PLXDC2: variants seen among roughly 807,000 people sequenced by gnomAD.
PLXDC2 encodes plexin domain-containing protein 2.
In PLXDC2, 40 loss-of-function variants were observed where a neutral mutation model predicts 68.9. That is an observed-to-expected ratio of 0.58 (90% CI 0.45 to 0.76). The LOEUF is 0.76. PLXDC2 is among the 30% of genes least tolerant of loss of function. PLXDC2 has a pLI of 0.00. For missense variants in PLXDC2, 644 were observed against 661.9 expected (o/e 0.97, Z 0.30); for synonymous variants, 243 against 234.2 (o/e 1.04, Z -0.34).
intron 1 of PLXDC2, among the ~76,000 whole-genome samples, chr10:19,898,975 A>ATT (rs1838112346): frequency 6.6e-6 from 1 of 152,180 alleles, no homozygotes. Context: ...CACTTTGTCT[A>ATT]TGCTAGAATA....
intron 1 of PLXDC2, among the ~76,000 whole-genome samples, chr10:19,853,657 G>A (rs1016821719): frequency 8.7e-5 from 13 of 149,054 alleles, no homozygotes; most frequent in African/African-American, 2.2e-4. Flanking sequence ...TTGGGTGGGG[G>A]GGGGGTTGCA....
chr10:20,061,076 G>C (rs890513570), intron 3 of PLXDC2, among the ~76,000 whole-genome samples: 1 of 152,078 alleles, frequency 6.6e-6, no homozygotes, highest in Non-Finnish European at 1.5e-5. Flanking sequence ...ATTTCACCTA[G>C]TGCCATAAAT....
intron 1 of PLXDC2, among the ~76,000 whole-genome samples, chr10:19,926,463 C>G (rs1833538083): frequency 1.3e-5 from 2 of 152,138 alleles, no homozygotes; most frequent in Non-Finnish European, 1.5e-5. Flanking sequence ...ATAGAGGCGT[C>G]AGCAGGCGGA....
intron 1 of PLXDC2, among the ~76,000 whole-genome samples, chr10:19,903,781 C>G (rs1838198714): frequency 6.7e-6 from 1 of 148,928 alleles, no homozygotes; most frequent in Non-Finnish European, 1.5e-5. Context: ...TTAAGATTGT[C>G]TATTTGTGCT....
chr10:20,275,103 C>T (rs1053373068), intron 13 of PLXDC2, among the ~76,000 whole-genome samples: 7 of 152,008 alleles, frequency 4.6e-5, no homozygotes, highest in African/African-American at 9.7e-5. Flanking sequence ...GTCAAACTGT[C>T]GAAGCTAAAT....
At chr10:20,039,654 A>G (rs2131675150) in intron 2 of PLXDC2, among the ~76,000 whole-genome samples, 1 of 152,324 alleles carries the variant, frequency 6.6e-6, no homozygotes, top group Middle Eastern at 3.4e-3. Flanking sequence ...AAAAAAATCA[A>G]CAATTAATAC....
intron 1 of PLXDC2, among the ~76,000 whole-genome samples, chr10:19,975,097 T>C (rs1834427127): frequency 1.3e-5 from 2 of 152,334 alleles, no homozygotes; most frequent in Admixed American, 1.3e-4. Context: ...TTTTTCTACT[T>C]ATATCTAAAT....
chr10:19,899,951 T>C (rs1392708775), intron 1 of PLXDC2, among the ~76,000 whole-genome samples: 1 of 152,160 alleles, frequency 6.6e-6, no homozygotes, highest in Non-Finnish European at 1.5e-5. Context: ...CCTAGATGGT[T>C]AGAGAATTAT....
chr10:20,198,318 A>T (rs1473285568), intron 9 of PLXDC2, among the ~76,000 whole-genome samples: 1 of 152,176 alleles, frequency 6.6e-6, no homozygotes, highest in African/African-American at 2.4e-5. Context: ...TTTCACTCTC[A>T]TCTAAACCCC....
intron 1 of PLXDC2, among the ~76,000 whole-genome samples, chr10:19,975,491 T>C (rs1042670211): frequency 2.0e-5 from 3 of 151,678 alleles, no homozygotes; most frequent in Admixed American, 6.6e-5. Flanking sequence ...AATAAATAAA[T>C]AAAACACAAA....
At chr10:20,272,798 T>TA in intron 13 of PLXDC2, among the ~76,000 whole-genome samples, 1 of 152,260 alleles carries the variant, frequency 6.6e-6, no homozygotes, top group Non-Finnish European at 1.5e-5. Context: ...TGGGCTCGCT[T>TA]ACTGTTGAGT....
chr10:20,072,121 C>T (rs767544225), intron 4 of PLXDC2, among the ~76,000 whole-genome samples: 2 of 151,426 alleles, frequency 1.3e-5, no homozygotes, highest in South Asian at 2.1e-4. Flanking sequence ...CCGAGGTGGG[C>T]GGATCACCTG....
chr10:20,023,145 TTATA>T (rs5783715), intron 2 of PLXDC2, among the ~76,000 whole-genome samples: 1 of 148,090 alleles, frequency 6.8e-6, no homozygotes, highest in African/African-American at 2.5e-5. Context: ...AATACAATGT[TTATA>T]TATATATATT....
intron 6 of PLXDC2, among the ~76,000 whole-genome samples, chr10:20,162,909 C>CAAAAAAAAAAAAAAAAAAAA (rs71390763): frequency 1.0e-5 from 1 of 98,056 alleles, no homozygotes. Context: ...ACTAAAAATA[C>CAAAAAAAAAAAAAAAAAAAA]AAAAAAAAAA....
chr10:20,165,212 A>G (rs1315073644), intron 7 of PLXDC2, among the ~76,000 whole-genome samples: 2 of 151,982 alleles, frequency 1.3e-5, no homozygotes, highest in Non-Finnish European at 2.9e-5. Flanking sequence ...TAGGCATATG[A>G]CTTTTCATAT....
chr10:20,081,270 C>G (rs1286634715), intron 4 of PLXDC2, among the ~76,000 whole-genome samples: 1 of 151,992 alleles, frequency 6.6e-6, no homozygotes, highest in Non-Finnish European at 1.5e-5. Context: ...ATCTGGAATG[C>G]TATATCCAGG....
intron 1 of PLXDC2, among the ~76,000 whole-genome samples, chr10:19,947,602 A>C (rs765950289): frequency 2.0e-5 from 3 of 152,064 alleles, no homozygotes; most frequent in Non-Finnish European, 4.4e-5. Flanking sequence ...GTCTCATTGA[A>C]TTTGGCAGTA....
intron 2 of PLXDC2, among the ~76,000 whole-genome samples, chr10:20,005,888 C>T (rs1484686680): frequency 6.6e-6 from 1 of 152,072 alleles, no homozygotes; most frequent in African/African-American, 2.4e-5. Flanking sequence ...CGTATCCTGG[C>T]TCTTGAAATG....
chr10:19,864,041 G>T (rs1278514243), intron 1 of PLXDC2, among the ~76,000 whole-genome samples: 1 of 152,080 alleles, frequency 6.6e-6, no homozygotes, highest in African/African-American at 2.4e-5. Context: ...TTGAGACAGG[G>T]TCTCACTCTG....
Sources: gnomAD v4.1 joint callset for allele counts (sites outside exome capture counted in the v4.1 genomes callset) on GRCh38, gnomAD v4.1.1 for gene constraint, MANE v1.5 for transcripts, NCBI Gene and HGNC (gene_info 2026-07-23, HGNC 2026-07-21) for gene names.